HIBADH: variants seen among roughly 807,000 people sequenced by gnomAD.
The protein encoded by HIBADH is 3-hydroxyisobutyrate dehydrogenase, mitochondrial.
Under a neutral mutation model 36.1 loss-of-function variants are expected in HIBADH, and 25 were observed. The observed-to-expected ratio is 0.69, with a 90% CI of 0.50 to 0.97. The LOEUF is 0.97. Ranked by LOEUF, HIBADH falls within the 50% of genes least tolerant of loss-of-function variation. The pLI, the probability that HIBADH is intolerant of heterozygous loss-of-function variation, is 0.00. For synonymous variants in HIBADH, 160 were observed against 149.5 expected (o/e 1.07, Z -0.51); for missense variants, 421 against 418.0 (o/e 1.01, Z -0.06).
chr7:27,532,887 A>AAGAT (rs1486871791), intron 6 of HIBADH, among the ~76,000 whole-genome samples: 1 of 152,212 alleles, frequency 6.6e-6, no homozygotes, highest in African/African-American at 2.4e-5. Flanking sequence ...CACTTAGGAA[A>AAGAT]AGATAAAGCC....
At chr7:27,608,107 A>G (rs1203740960) in intron 4 of HIBADH, among the ~76,000 whole-genome samples, 2 of 152,226 alleles carry the variant, frequency 1.3e-5, no homozygotes, top group African/African-American at 4.8e-5. Flanking sequence ...GTAGATAAAC[A>G]ATTATGATAA....
chr7:27,584,580 T>C (rs1342121340), intron 4 of HIBADH, among the ~76,000 whole-genome samples: 2 of 152,062 alleles, frequency 1.3e-5, no homozygotes, highest in African/African-American at 4.8e-5. Context: ...GAAATAAAAA[T>C]GGTGTTCCAC....
chr7:27,576,060 TAAAG>T (rs1784704532), intron 4 of HIBADH, among the ~76,000 whole-genome samples: 1 of 151,310 alleles, frequency 6.6e-6, no homozygotes, highest in African/African-American at 2.4e-5. Context: ...ACTGACAAAA[TAAAG>T]TGGAAAAGGA....
At chr7:27,582,534 T>C (rs1784808962) in intron 4 of HIBADH, among the ~76,000 whole-genome samples, 2 of 152,148 alleles carry the variant, frequency 1.3e-5, no homozygotes, top group African/African-American at 4.8e-5. Flanking sequence ...GGCTTAGTCG[T>C]AGAATTATTG....
chr7:27,609,695 TATTTA>T (rs1785291497), intron 4 of HIBADH, among the ~76,000 whole-genome samples: 1 of 152,192 alleles, frequency 6.6e-6, no homozygotes, highest in Non-Finnish European at 1.5e-5. Context: ...AGTCTTATTT[TATTTA>T]ATTTTTTTAA....
chr7:27,651,737 A>C (rs185788441), intron 1 of HIBADH, among the ~76,000 whole-genome samples: 1 of 152,370 alleles, frequency 6.6e-6, no homozygotes, highest in African/African-American at 2.4e-5. Flanking sequence ...ACATGTACCA[A>C]AAGAGATGCC....
intron 1 of HIBADH, among the ~76,000 whole-genome samples, chr7:27,651,169 T>C (rs1207324577): frequency 2.6e-5 from 4 of 152,186 alleles, no homozygotes; most frequent in African/African-American, 7.2e-5. Flanking sequence ...CTGAACTGAA[T>C]CTGAATGGAA....
chr7:27,594,331 C>T (rs186501911), intron 4 of HIBADH, among the ~76,000 whole-genome samples: 85 of 151,820 alleles, frequency 5.6e-4, no homozygotes, highest in Admixed American at 1.1e-3. Context: ...TTAGTAGAGA[C>T]GAGGTTTCAC....
intron 5 of HIBADH, among the ~76,000 whole-genome samples, chr7:27,542,440 T>G (rs1310669804): frequency 7.0e-5 from 1 of 14,190 alleles, no homozygotes; most frequent in African/African-American, 5.3e-4. Context: ...TTTTTCCCGT[T>G]TTTTTTTTTT....
chr7:27,646,282 T>C (rs1786069523), intron 2 of HIBADH, among the ~76,000 whole-genome samples: 4 of 152,194 alleles, frequency 2.6e-5, no homozygotes, highest in Admixed American at 2.6e-4. Context: ...GGTAGCTACA[T>C]TTCAGAATCA....
intron 2 of HIBADH, among the ~76,000 whole-genome samples, chr7:27,644,425 C>T (rs1786022783): frequency 6.6e-6 from 1 of 152,012 alleles, no homozygotes; most frequent in Non-Finnish European, 1.5e-5. Flanking sequence ...TATGGTGAAA[C>T]CCCATCTCTA....
At chr7:27,527,915 AGC>A (rs1343205016) in intron 7 of HIBADH, among the ~76,000 whole-genome samples, 4 of 38,052 alleles carry the variant, frequency 1.1e-4, no homozygotes, top group East Asian at 2.4e-3. Flanking sequence ...CACCACACCC[AGC>A]GTTTTTTTTT....
At chr7:27,649,418 G>A in intron 2 of HIBADH, 55 bp downstream of exon 2, 3 of 1,390,462 alleles carry the variant, frequency 2.2e-6, no homozygotes, top group Non-Finnish European at 3.0e-6. Context: ...TTATTTGAAT[G>A]TATATTCATT....
intron 4 of HIBADH, among the ~76,000 whole-genome samples, chr7:27,555,243 G>C (rs1053037277): frequency 6.6e-6 from 1 of 150,600 alleles, no homozygotes; most frequent in Non-Finnish European, 1.5e-5. Context: ...TAAGTGGGGA[G>C]AACTGTTCTT....
chr7:27,581,962 G>A (rs574748836), intron 4 of HIBADH, among the ~76,000 whole-genome samples: 29 of 152,096 alleles, frequency 1.9e-4, no homozygotes, highest in East Asian at 3.9e-4. Context: ...TTAAAGTGAC[G>A]CATACTTATT....
intron 2 of HIBADH, 163 bp downstream of exon 2, chr7:27,649,310 C>T: frequency 1.9e-6 from 1 of 522,140 alleles, no homozygotes; most frequent in African/African-American, 2.0e-5. Flanking sequence ...CTCTCCTTTA[C>T]TGCAAATCTG....
intron 1 of HIBADH, among the ~76,000 whole-genome samples, chr7:27,658,511 T>C (rs1368529919): frequency 6.6e-6 from 1 of 152,144 alleles, no homozygotes; most frequent in Non-Finnish European, 1.5e-5. Flanking sequence ...TAACCTTAAG[T>C]GCTATCAAAA....
intron 4 of HIBADH, among the ~76,000 whole-genome samples, chr7:27,570,559 C>T (rs12539472): frequency 0.13 from 19,510 of 152,072 alleles, 1,477 homozygotes; most frequent in Middle Eastern, 0.18. Flanking sequence ...AAAAAGCATG[C>T]GGGGAGTTTC....
intron 7 of HIBADH, among the ~76,000 whole-genome samples, chr7:27,530,789 C>T (rs531055267): frequency 2.0e-5 from 3 of 152,082 alleles, no homozygotes; most frequent in Non-Finnish European, 4.4e-5. Context: ...TGGGAAAATC[C>T]TCTCTTCGTG....
Sources: gnomAD v4.1 joint callset for allele counts (sites outside exome capture counted in the v4.1 genomes callset) on GRCh38, gnomAD v4.1.1 for gene constraint, MANE v1.5 for transcripts, NCBI Gene and HGNC (gene_info 2026-07-23, HGNC 2026-07-21) for gene names.